The following COL21A1 variants were observed in gnomAD, a reference collection of about 807,000 sequenced individuals.
COL21A1 encodes collagen type XXI alpha 1 chain.
In COL21A1, 149 loss-of-function variants were observed where a neutral mutation model predicts 137.9. The observed-to-expected ratio is 1.08, with a 90% CI of 0.95 to 1.24. The LOEUF (loss-of-function observed/expected upper bound fraction) is 1.24. Ranked by LOEUF, COL21A1 falls within the 50% of genes most tolerant of loss-of-function variation. The pLI, the probability that COL21A1 is intolerant of heterozygous loss-of-function variation, is 0.00. For missense variants in COL21A1, 1,167 were observed against 1,158.4 expected, an observed-to-expected ratio of 1.01 and a Z score of -0.11; for synonymous variants, 456 against 391.5, an observed-to-expected ratio of 1.16 and a Z score of -1.95.
intron 1 of COL21A1, among the ~76,000 whole-genome samples, chr6:56,183,666 T>C (rs145405590): frequency 6.6e-6 from 1 of 152,202 alleles, no homozygotes; most frequent in African/African-American, 2.4e-5. Flanking sequence ...GGCCAAGACT[T>C]GAAAAGAAGC....
chr6:56,080,450 T>A (rs533660189), intron 17 of COL21A1, among the ~76,000 whole-genome samples: 45 of 151,930 alleles, frequency 3.0e-4, no homozygotes, highest in African/African-American at 1.1e-3. Context: ...AAACAAGTTG[T>A]TAAGAATAGA....
chr6:56,158,197 G>C (rs1236264452), intron 9 of COL21A1, among the ~76,000 whole-genome samples: 1 of 151,188 alleles, frequency 6.6e-6, no homozygotes, highest in Non-Finnish European at 1.5e-5. Flanking sequence ...TAAGTATCAG[G>C]GTGTTCCTAT....
chr6:56,288,224 T>C (rs1406192214), intron 1 of COL21A1, among the ~76,000 whole-genome samples: 3 of 145,796 alleles, frequency 2.1e-5, no homozygotes, highest in African/African-American at 5.2e-5. Context: ...TCTATTCTAC[T>C]CCAGCTTATT....
At chr6:56,349,934 T>A (rs908121867) in intron 1 of COL21A1, among the ~76,000 whole-genome samples, 13 of 152,150 alleles carry the variant, frequency 8.5e-5, no homozygotes, top group Admixed American at 5.2e-4. Context: ...TCTCTCTCCA[T>A]CTCTCTTGGG....
intron 1 of COL21A1, among the ~76,000 whole-genome samples, chr6:56,287,472 T>C (rs951732011): frequency 6.6e-6 from 1 of 152,132 alleles, no homozygotes; most frequent in South Asian, 2.1e-4. Flanking sequence ...TCTCATGATA[T>C]TGAGTGAGTT....
At chr6:56,086,481 A>G (rs185964894) in intron 17 of COL21A1, among the ~76,000 whole-genome samples, 30 of 152,304 alleles carry the variant, frequency 2.0e-4, no homozygotes, top group Admixed American at 1.6e-3. Flanking sequence ...GAAACTAGAG[A>G]AAAGCAAATG....
At chr6:56,150,079 T>A (rs1775172435) in intron 10 of COL21A1, among the ~76,000 whole-genome samples, 1 of 152,078 alleles carries the variant, frequency 6.6e-6, no homozygotes, top group African/African-American at 2.4e-5. Flanking sequence ...CAGTACTTCA[T>A]ATTTTTGTGG....
At chr6:56,060,494 CA>C in intron 27 of COL21A1, 2 of 471,742 alleles carry the variant, frequency 4.2e-6, no homozygotes, top group Non-Finnish European at 7.3e-6. Flanking sequence ...ACTAAATTAT[CA>C]AAAAATATGC....
chr6:56,280,751 G>A (rs563179607), intron 1 of COL21A1, among the ~76,000 whole-genome samples: 21 of 152,134 alleles, frequency 1.4e-4, no homozygotes, highest in Non-Finnish European at 2.5e-4. Context: ...AGTGGCTCAC[G>A]ACTATAATCC....
chr6:56,075,408 A>G, intron 19 of COL21A1, 71 bp downstream of exon 19: 4 of 1,203,488 alleles, frequency 3.3e-6, no homozygotes, highest in Non-Finnish European at 4.6e-6. Context: ...GAACTCTCGA[A>G]TATGAACTCC....
chr6:56,129,686 G>GTA (rs1773349245), intron 12 of COL21A1, among the ~76,000 whole-genome samples: 1 of 113,644 alleles, frequency 8.8e-6, no homozygotes, highest in African/African-American at 3.5e-5. Flanking sequence ...GTGTGTGTGT[G>GTA]TGTGTGTGTG....
At chr6:56,080,904 A>G (rs1008022909) in intron 17 of COL21A1, among the ~76,000 whole-genome samples, 1 of 151,864 alleles carries the variant, frequency 6.6e-6, no homozygotes, top group African/African-American at 2.4e-5. Context: ...TAAAGAGCAT[A>G]GTAGAAGCCA....
intron 1 of COL21A1, among the ~76,000 whole-genome samples, chr6:56,381,074 C>T (rs902799635): frequency 1.3e-5 from 2 of 152,050 alleles, no homozygotes; most frequent in Admixed American, 6.5e-5. Flanking sequence ...TCAGGTTTCT[C>T]AGTGACTTTA....
chr6:56,252,332 C>T (rs1463363140), upstream of COL21A1, among the ~76,000 whole-genome samples: 2 of 152,200 alleles, frequency 1.3e-5, no homozygotes, highest in African/African-American at 4.8e-5. Flanking sequence ...CTTCCTTTGA[C>T]TAGGTAATTT....
intron 1 of COL21A1, among the ~76,000 whole-genome samples, chr6:56,183,873 A>G (rs1319881621): frequency 1.3e-5 from 2 of 152,200 alleles, no homozygotes; most frequent in African/African-American, 4.8e-5. Context: ...AAAGATACAA[A>G]GAAAAATGCT....
At chr6:56,193,429 C>A (rs1582608932) in intron 1 of COL21A1, among the ~76,000 whole-genome samples, 2 of 151,914 alleles carry the variant, frequency 1.3e-5, no homozygotes, top group Non-Finnish European at 2.9e-5. Context: ...ATAACAGAAG[C>A]CAGACACAAA....
At chr6:56,377,786 C>A (rs2094002010) in intron 1 of COL21A1, among the ~76,000 whole-genome samples, 1 of 148,492 alleles carries the variant, frequency 6.7e-6, no homozygotes, top group South Asian at 2.1e-4. Flanking sequence ...TTCCAGGCTG[C>A]ACAGTTTGCA....
chr6:56,063,598 T>A (rs914090555), intron 24 of COL21A1, among the ~76,000 whole-genome samples: 35 of 152,082 alleles, frequency 2.3e-4, no homozygotes, highest in African/African-American at 8.0e-4. Context: ...ACTTTTACTT[T>A]TATTGTTAGC....
At chr6:56,301,742 G>T (rs1764296939) in intron 1 of COL21A1, among the ~76,000 whole-genome samples, 1 of 151,768 alleles carries the variant, frequency 6.6e-6, no homozygotes, top group Non-Finnish European at 1.5e-5. Flanking sequence ...TAAGTTTTAG[G>T]GTACATGTGC....
Sources: allele counts gnomAD v4.1 joint callset (sites outside exome capture counted in the v4.1 genomes callset), GRCh38; gene constraint gnomAD v4.1.1; transcripts MANE v1.5; gene names NCBI Gene and HGNC (gene_info 2026-07-23, HGNC 2026-07-21).